SIKE1: variants seen among roughly 807,000 people sequenced by gnomAD.
SIKE1 encodes the protein suppressor of IKK epsilon.
SIKE1 carries 13 observed loss-of-function variants against 25.8 expected under a neutral mutation model. The observed-to-expected ratio is 0.50, with a 90% CI of 0.33 to 0.80. The LOEUF (loss-of-function observed/expected upper bound fraction) is 0.80. Among genes scored for constraint, SIKE1 ranks in the 30% least tolerant of loss-of-function variants. The pLI is 0.02. For synonymous variants in SIKE1, 86 were observed against 95.5 expected, an observed-to-expected ratio of 0.90 and a Z score of 0.58; for missense variants, 222 against 252.4, an observed-to-expected ratio of 0.88 and a Z score of 0.82.
Position 114,774,390 on chromosome 1 carries a change from T to C in SIKE1, c.523-18A>G. ...TTTTCAAGCTGGAAAAAAAAAGGCA[T>C]GTTTATTTCTGGTATTTTTACTGTC... On this transcript the variant is annotated intron_variant, in intron 4 of 4. Transcript: ENST00000060969. The C allele has an allele frequency of 2.6e-6, 4 of 1,562,500 alleles. No individual in the cohort carries two copies. Among genetic ancestry groups the C allele is most frequent in the Non-Finnish European group, 2.6e-6 (3 of 1,136,888 alleles).
intron 3 of SIKE1, among the ~76,000 whole-genome samples, chr1:114,778,596 C>T (rs1159004112): frequency 6.6e-6 from 1 of 152,040 alleles, no homozygotes; most frequent in African/African-American, 2.4e-5. Flanking sequence ...GAGGGGGAAC[C>T]TTAGTCCCAC....
rs149222550 is a variant in SIKE1, at chr1:114,774,125, T to A, written c.*146A>T. 764 of 543,608 alleles carry A rather than the reference T, an allele frequency of 1.4e-3. 9 individuals are homozygous for A. The highest frequency in any genetic ancestry group is 0.013 in the African/African-American group (695 of 53,602). 33.7% of individuals were successfully genotyped at this position (543,608 alleles called of 1,614,324 possible). A position where few individuals can be genotyped will look rare whatever the true frequency, so the allele number is the denominator to read the frequency against. ...ATCTGAGAACTGTGGACAGCCAATA[T>A]TGACTGGAATTCTAAATTGCCACCT... On this transcript the variant is annotated 3_prime_UTR_variant, in exon 5 of 5. Coordinates refer to ENST00000060969, the MANE Select transcript of SIKE1 (RefSeq NM_025073.3).
In SIKE1 at chr1:114,774,383, A is replaced by G. The variant is rs1358251116; in HGVS notation, c.523-11T>C. On this transcript the variant is annotated splice_polypyrimidine_tract_variant and intron_variant, in intron 4 of 4. Coordinates refer to ENST00000060969, the MANE Select transcript of SIKE1 (RefSeq NM_025073.3). ...TTCCTTATTTTCAAGCTGGAAAAAAAAAGGCATGTTTATTTCTGGTATTTT... is the reference window on the plus strand; with the variant it reads ...TTCCTTATTTTCAAGCTGGAAAAAAGAAGGCATGTTTATTTCTGGTATTTT... 1.3e-6 allele frequency: 2 copies of G among 1,588,508 alleles called. No individual in the cohort carries two copies. The highest frequency in any genetic ancestry group is 1.7e-5 in the Admixed American group (1 of 59,616).
intron 1 of SIKE1, 78 bp downstream of exon 1, chr1:114,780,371 C>G: frequency 6.2e-7 from 1 of 1,610,624 alleles, no homozygotes; most frequent in Middle Eastern, 1.8e-4. Context: ...AATTCCAGGC[C>G]GAGTTCCCAC....
rs750740268 is a variant in SIKE1 at position 114,780,103 on chromosome 1, G to T, written c.265+7C>A. ...ACTATTACCAGATATGAAAAGGCCT[G>T]ACTAACCTCTGTTTTCCTGTTGCAA... On this transcript the variant is annotated splice_region_variant and intron_variant, in intron 2 of 4. Coordinates refer to ENST00000060969, the MANE Select transcript of SIKE1 (RefSeq NM_025073.3). The T allele has an allele frequency of 2.5e-6, 4 of 1,598,438 alleles. No homozygotes were observed. The highest frequency in any genetic ancestry group is 3.4e-6 in the Non-Finnish European group (4 of 1,171,370).
chr1:114,774,623 T>C (rs2101127850), intron 4 of SIKE1, among the ~76,000 whole-genome samples: 1 of 152,334 alleles, frequency 6.6e-6, no homozygotes, highest in South Asian at 2.1e-4. Context: ...TACCAAGTGT[T>C]AGGATTACAA....
Position 114,769,597 on chromosome 1 carries a change from G to A in SIKE1, c.*4674C>T, listed in dbSNP as rs1481853175. The A allele has an allele frequency of 6.6e-6, 1 of 151,844 alleles. No homozygotes were observed. Among genetic ancestry groups the A allele is most frequent in the East Asian group, 1.9e-4 (1 of 5,190 alleles). 9.4% of individuals were successfully genotyped at this position (151,844 alleles called of 1,614,324 possible). On this transcript the variant is annotated 3_prime_UTR_variant, in exon 5 of 5. Transcript: ENST00000060969. Reference sequence around the variant, plus strand: ...ACAGCTATAAAACAATAAAACTTGTGAATTCTAGAGACATGTTGAGTGAAA... The same window carrying A: ...ACAGCTATAAAACAATAAAACTTGTAAATTCTAGAGACATGTTGAGTGAAA...
At position 114,771,097 on chromosome 1, in the gene SIKE1, T is replaced by A. The variant is rs1056596942; in HGVS notation, c.*3174A>T. The A allele has an allele frequency of 1.1e-4, 17 of 152,212 alleles. No individual in the cohort carries two copies. Among genetic ancestry groups the A allele is most frequent in the Non-Finnish European group, 2.1e-4 (14 of 68,042 alleles). 9.4% of individuals were successfully genotyped at this position (152,212 alleles called of 1,614,324 possible). ...GACATTTGGCTTGGCAACAACTTTC[T>A]AGCAAACACAAGAAAACAGCATGAG... On this transcript the variant is annotated 3_prime_UTR_variant, in exon 5 of 5. Coordinates refer to ENST00000060969, the MANE Select transcript of SIKE1 (RefSeq NM_025073.3).
chr1:114,780,433 C>T lies in SIKE1; in HGVS notation c.159+16G>A. 1.9e-6 allele frequency: 3 copies of T among 1,609,774 alleles called. No homozygotes were observed. The highest frequency in any genetic ancestry group is 2.5e-6 in the Non-Finnish European group (3 of 1,179,996). On this transcript the variant is annotated intron_variant, in intron 1 of 4. Transcript: ENST00000060969. ...CCCAGAATCCGAGAGCACTGGACTCCTACCCTCTGCCTGACCTGGTCCGGA... is the reference window on the plus strand; with the variant it reads ...CCCAGAATCCGAGAGCACTGGACTCTTACCCTCTGCCTGACCTGGTCCGGA...
chr1:114,779,846 CTT>C (rs1196558270), intron 2 of SIKE1, among the ~76,000 whole-genome samples: 1 of 152,196 alleles, frequency 6.6e-6, no homozygotes, highest in Non-Finnish European at 1.5e-5. Context: ...GCTATGAACT[CTT>C]TTGTTACACA....
chr1:114,779,402 C>A, intron 2 of SIKE1, 118 bp from the exon 3 acceptor site: 1 of 1,116,800 alleles, frequency 9.0e-7, no homozygotes, highest in Admixed American at 2.7e-5. Context: ...AGTTGTAAAT[C>A]AATGTTTAAG....
chr1:114,778,968 G>A (rs1340985864), intron 3 of SIKE1, 174 bp downstream of exon 3: 6 of 685,272 alleles, frequency 8.8e-6, no homozygotes, highest in East Asian at 8.1e-5. Flanking sequence ...GAGGTGAGAC[G>A]ATGGCTTGAG....
rs1299683625 is a variant in SIKE1, at chr1:114,770,447, T to C, written c.*3824A>G. ...AGAGGTTATCGCTAACTAAATCACT[T>C]TTGCTGTACCTCTGTGGAGATGAAT... On this transcript the variant is annotated 3_prime_UTR_variant, in exon 5 of 5. Transcript: ENST00000060969. 6.6e-6 allele frequency: 1 copy of C among 152,148 alleles called. No homozygotes were observed. The highest frequency in any genetic ancestry group is 2.4e-5 in the African/African-American group (1 of 41,428). The allele number at this position is 152,148 out of a possible 1,614,324, so 9.4% of individuals were successfully genotyped here.
intron 3 of SIKE1, among the ~76,000 whole-genome samples, chr1:114,777,678 A>G (rs1000786880): frequency 6.6e-6 from 1 of 152,352 alleles, no homozygotes; most frequent in East Asian, 1.9e-4. Context: ...GGTTTCATCC[A>G]ATGCCAACTC....
chr1:114,780,590 C>A lies in SIKE1; in HGVS notation c.18G>T (p.Glu6Asp), dbSNP rs755191200. 11 of 1,610,630 alleles carry A rather than the reference C, an allele frequency of 6.8e-6. No individual in the cohort carries two copies. The highest frequency in any genetic ancestry group is 8.5e-6 in the Non-Finnish European group (10 of 1,179,866). MSCTI[E>D]KILTDAKTLL... ...GCGTCTTGGCGTCTGTCAGGATCTT[C>A]TCGATGGTGCAGCTCATAGCAGCAG... The change falls in exon 1 of 5, where the codon GAG (glutamate) becomes GAT (aspartate). Residue 6 changes from glutamate to aspartate, a missense_variant. Coordinates refer to ENST00000060969, the MANE Select transcript of SIKE1 (RefSeq NM_025073.3).
In SIKE1 at chr1:114,769,730, C is replaced by T. The variant is rs1244753411; in HGVS notation, c.*4541G>A. 1 of 152,044 alleles carries T rather than the reference C, an allele frequency of 6.6e-6. No individual in the cohort carries two copies. The highest frequency in any genetic ancestry group is 1.5e-5 in the Non-Finnish European group (1 of 68,008). The allele number at this position is 152,044 out of a possible 1,614,324, so 9.4% of individuals were successfully genotyped here. ...TTAGGGATACATATGTATTTTAGGT[C>T]TTTCTACATTCGAACAAATCTATTA... is the stretch of plus-strand genomic sequence containing the variant. On this transcript the variant is annotated 3_prime_UTR_variant, in exon 5 of 5. Coordinates refer to ENST00000060969, the MANE Select transcript of SIKE1 (RefSeq NM_025073.3).
rs1662238486 is a variant in SIKE1 at position 114,776,373 on chromosome 1, C to T, written c.495G>A (p.Lys165=). 1 of 1,612,984 alleles carries T rather than the reference C, an allele frequency of 6.2e-7. No individual in the cohort carries two copies. Among genetic ancestry groups the T allele is most frequent in the African/African-American group, 1.3e-5 (1 of 74,894 alleles). The change falls in exon 4 of 5, where the codon AAG becomes AAA. Residue 165 remains lysine, a synonymous_variant. Coordinates refer to ENST00000060969, the MANE Select transcript of SIKE1 (RefSeq NM_025073.3). ...AVQVDDDQFC[K]IQEKLAQLEL... is the part of the protein sequence containing the mutation. ...CTAATTGGGCTAATTTTTCCTGAATCTTACAAAACTGGTCATCATCCACCT... is the reference window on the plus strand; with the variant it reads ...CTAATTGGGCTAATTTTTCCTGAATTTTACAAAACTGGTCATCATCCACCT...
rs911915076 is a variant in SIKE1, at chr1:114,780,660, A to C, written c.-53T>G. The C allele has an allele frequency of 6.8e-7, 1 of 1,468,300 alleles. No homozygotes were observed. The highest frequency in any genetic ancestry group is 1.4e-5 in the African/African-American group (1 of 71,534). 91.0% of individuals were successfully genotyped at this position (1,468,300 alleles called of 1,614,324 possible). On this transcript the variant is annotated 5_prime_UTR_variant, in exon 1 of 5. Transcript: ENST00000060969. Reference sequence around the variant, plus strand: ...GGGCTCAGCTACGCGACTCGCTCAGATCTTCTGGGAGTCTGTCTCAGCATT... The same window carrying C: ...GGGCTCAGCTACGCGACTCGCTCAGCTCTTCTGGGAGTCTGTCTCAGCATT...
chr1:114,779,120 G>T, intron 3 of SIKE1, 22 bp downstream of exon 3: 2 of 1,608,318 alleles, frequency 1.2e-6, no homozygotes, highest in South Asian at 1.1e-5. Flanking sequence ...GGTTCATTTC[G>T]AATTTATTCA....
Sources: allele counts gnomAD v4.1 joint callset (sites outside exome capture counted in the v4.1 genomes callset), GRCh38; gene constraint gnomAD v4.1.1; transcripts MANE v1.5; gene names NCBI Gene and HGNC (gene_info 2026-07-23, HGNC 2026-07-21).